Variants in TUSC3 observed in about 807,000 individuals in gnomAD.
TUSC3 encodes the protein tumor suppressor candidate 3, also known as dolichyl-diphosphooligosaccharide--protein glycosyltransferase subunit TUSC3.
In TUSC3, 45 loss-of-function variants were observed where a neutral mutation model predicts 44.8. The ratio of observed to expected loss-of-function variants is 1.00; its 90% CI spans 0.79 to 1.29. The LOEUF is 1.29. TUSC3 is among the 50% of genes most tolerant of loss of function. TUSC3 has a pLI of 0.00. For missense variants in TUSC3, 519 were observed against 437.9 expected (o/e 1.19, Z -1.65); for synonymous variants, 212 against 152.9 (o/e 1.39, Z -2.85).
intron 5 of TUSC3, among the ~76,000 whole-genome samples, 162 bp downstream of exon 5, chr8:15,662,458 A>T (rs375977547): frequency 2.0e-5 from 3 of 148,342 alleles, no homozygotes; most frequent in African/African-American, 7.5e-5. Flanking sequence ...TTTTCTGTCA[A>T]TCAAAACTGT....
intron 1 of TUSC3, among the ~76,000 whole-genome samples, chr8:15,439,859 T>C (rs1334473477): frequency 6.6e-6 from 1 of 152,212 alleles, no homozygotes; most frequent in Admixed American, 6.5e-5. Context: ...TTCAGTCTCT[T>C]GGTTCATTAG....
intron 6 of TUSC3, among the ~76,000 whole-genome samples, chr8:15,706,220 G>C (rs909332961): frequency 5.9e-5 from 9 of 151,930 alleles, no homozygotes; most frequent in African/African-American, 2.2e-4. Flanking sequence ...GTATATTTTG[G>C]TATATATTTA....
At chr8:15,443,670 C>T (rs1027538281) in intron 1 of TUSC3, among the ~76,000 whole-genome samples, 1 of 152,108 alleles carries the variant, frequency 6.6e-6, no homozygotes, top group Non-Finnish European at 1.5e-5. Context: ...AAAGCTGCTT[C>T]TTGCCTGGAG....
At chr8:15,595,518 T>G (rs1404951769) in intron 1 of TUSC3, among the ~76,000 whole-genome samples, 1 of 152,178 alleles carries the variant, frequency 6.6e-6, no homozygotes, top group Admixed American at 6.5e-5. Flanking sequence ...ATCAGCGTCT[T>G]TTATATCCTG....
chr8:15,630,926 G>T (rs1206651899), intron 2 of TUSC3, among the ~76,000 whole-genome samples: 2 of 151,972 alleles, frequency 1.3e-5, no homozygotes, highest in African/African-American at 2.4e-5. Context: ...GGTAAACTTG[G>T]GTCCCTTGTA....
chr8:15,817,089 G>A, the TUSC3 span, among the ~76,000 whole-genome samples: 3 of 152,254 alleles, frequency 2.0e-5, no homozygotes, highest in East Asian at 1.9e-4. Context: ...CAGTCTGGTC[G>A]TTATCTAAAA....
intron 1 of TUSC3, among the ~76,000 whole-genome samples, chr8:15,450,455 G>T (rs1390185543): frequency 2.6e-5 from 4 of 152,120 alleles, no homozygotes; most frequent in African/African-American, 9.7e-5. Flanking sequence ...GGAGACCAAG[G>T]CAGGCAGATC....
At chr8:15,833,759 A>G in the TUSC3 span, among the ~76,000 whole-genome samples, 4 of 152,124 alleles carry the variant, frequency 2.6e-5, no homozygotes. Flanking sequence ...TACCCGGGTG[A>G]CAAAACAATC....
In TUSC3 at chr8:15,673,896, A is replaced by C. The variant is rs1808068030; in HGVS notation, c.798+60A>C. On this transcript the variant is annotated intron_variant, in intron 6 of 10. Transcript: ENST00000503731. The stretch of plus-strand genomic sequence containing the variant: ...TTTAATCCAGCTTAATTTAGGAATA[A>C]GAAATTATGTTTAGTATTTAGTAGG... The C allele has an allele frequency of 1.1e-4, 150 of 1,395,520 alleles. 2 individuals carry two copies. In the South Asian group the frequency reaches 1.7e-3, roughly 16 times the overall value. 86.4% of individuals were successfully genotyped at this position (1,395,520 alleles called of 1,614,324 possible). A position where few individuals can be genotyped will look rare whatever the true frequency, so the allele number is the denominator to read the frequency against.
chr8:15,785,946 G>C, the TUSC3 span, among the ~76,000 whole-genome samples: 9 of 152,070 alleles, frequency 5.9e-5, no homozygotes, highest in Admixed American at 3.3e-4. Flanking sequence ...AACACTATTA[G>C]CTAAAATATT....
intron 1 of TUSC3, among the ~76,000 whole-genome samples, chr8:15,567,995 C>A (rs764165795): frequency 6.6e-6 from 1 of 152,006 alleles, no homozygotes; most frequent in African/African-American, 2.4e-5. Context: ...TGTTAACAAC[C>A]CCCTTTTCTA....
At chr8:15,454,779 T>C (rs1201624120) in intron 1 of TUSC3, among the ~76,000 whole-genome samples, 2 of 152,232 alleles carry the variant, frequency 1.3e-5, no homozygotes, top group Non-Finnish European at 2.9e-5. Flanking sequence ...GAAGCTTATA[T>C]AGTAAACTTG....
At chr8:15,468,328 A>C (rs540736030) in intron 1 of TUSC3, among the ~76,000 whole-genome samples, 1 of 152,160 alleles carries the variant, frequency 6.6e-6, no homozygotes, top group Non-Finnish European at 1.5e-5. Flanking sequence ...GCTAGTCAAG[A>C]GTGTTCATTT....
At chr8:15,426,680 G>A (rs2129116179) in intron 1 of TUSC3, among the ~76,000 whole-genome samples, 1 of 152,298 alleles carries the variant, frequency 6.6e-6, no homozygotes, top group Non-Finnish European at 1.5e-5. Context: ...CTTCATGAAT[G>A]TTGTAATGAA....
chr8:15,465,319 A>T (rs1051633383), intron 1 of TUSC3, among the ~76,000 whole-genome samples: 13 of 152,226 alleles, frequency 8.5e-5, no homozygotes, highest in Non-Finnish European at 1.8e-4. Flanking sequence ...TGTGGAAAAC[A>T]GCAGGGAAAC....
rs375814922 is a variant in TUSC3, at chr8:15,491,164, C to G, written n.189+7681C>G. On this transcript the variant is annotated intron_variant and non_coding_transcript_variant, in intron 2 of 5. Transcript: ENST00000503191. ...ATAAAGATAGGATAGAGAAAGCAGTCAGACCTGCCTTTGTCTCAGTAGAGT... is the reference window on the plus strand; with the variant it reads ...ATAAAGATAGGATAGAGAAAGCAGTGAGACCTGCCTTTGTCTCAGTAGAGT... 2.6e-5 allele frequency among the ~76,000 whole-genome samples: 4 copies of G among 152,258 alleles called. No individual in the cohort carries two copies. The East Asian group carries it at 5.8e-4, about 22-fold the overall frequency.
At chr8:15,431,514 A>G (rs1799873478) in intron 1 of TUSC3, among the ~76,000 whole-genome samples, 2 of 151,608 alleles carry the variant, frequency 1.3e-5, no homozygotes, top group South Asian at 2.1e-4. Flanking sequence ...TGATTTTCAT[A>G]TATTGGTTGT....
At chr8:15,614,449 C>T (rs564845184) in intron 1 of TUSC3, among the ~76,000 whole-genome samples, 2 of 152,098 alleles carry the variant, frequency 1.3e-5, no homozygotes, top group Non-Finnish European at 2.9e-5. Flanking sequence ...ACAGTTAATC[C>T]CTGTTCTTAC....
rs1238556768 is a variant in TUSC3 at position 15,659,533 on chromosome 8, C to T, written c.453C>T (p.Phe151=). 6 of 1,613,010 alleles carry T rather than the reference C, an allele frequency of 3.7e-6. No individual in the cohort carries two copies. The highest frequency in any genetic ancestry group is 5.1e-6 in the Non-Finnish European group (6 of 1,179,602). ...QQLNMNSAPT[F]MHFPPKGRPK... ...TCAACATGAACTCTGCTCCTACATT[C>T]ATGCATTTTCCTCCAAAAGGCAGAC... Residue 151 remains phenylalanine, a synonymous_variant, in exon 4 of 11, where the codon TTC becomes TTT. Coordinates refer to ENST00000503731, the MANE Select transcript of TUSC3 (RefSeq NM_006765.4).
Sources: allele counts gnomAD v4.1 joint callset (sites outside exome capture counted in the v4.1 genomes callset), GRCh38; gene constraint gnomAD v4.1.1; transcripts MANE v1.5; gene names NCBI Gene and HGNC (gene_info 2026-07-23, HGNC 2026-07-21).